Variants in DNMT3B observed in about 807,000 individuals in gnomAD.
DNMT3B encodes DNA (cytosine-5)-methyltransferase 3B.
DNMT3B carries 37 observed loss-of-function variants against 120.2 expected under a neutral mutation model. The ratio of observed to expected loss-of-function variants is 0.31; its 90% CI spans 0.24 to 0.40. The LOEUF (loss-of-function observed/expected upper bound fraction) is 0.40. Ranked by LOEUF, DNMT3B falls within the 10% of genes least tolerant of loss-of-function variation. The pLI is 1.00. For missense variants in DNMT3B, 878 were observed against 1,137.3 expected, an observed-to-expected ratio of 0.77 and a Z score of 3.28; for synonymous variants, 412 against 442.8, an observed-to-expected ratio of 0.93 and a Z score of 0.87.
intron 1 of DNMT3B, among the ~76,000 whole-genome samples, chr20:32,765,376 A>G (rs1987251790): frequency 1.4e-5 from 2 of 146,422 alleles, no homozygotes; most frequent in African/African-American, 5.1e-5. Flanking sequence ...TGGAAGATAC[A>G]GGTACTATTA....
intron 1 of DNMT3B, among the ~76,000 whole-genome samples, chr20:32,773,612 C>CTTT (rs11356349): frequency 1.4e-5 from 2 of 138,828 alleles, no homozygotes; most frequent in Non-Finnish European, 1.6e-5. Flanking sequence ...AAATATTGGG[C>CTTT]TTTTTTTTTT....
chr20:32,782,361 C>T (rs900724403), intron 3 of DNMT3B, among the ~76,000 whole-genome samples: 8 of 152,156 alleles, frequency 5.3e-5, no homozygotes, highest in African/African-American at 1.9e-4. Flanking sequence ...TAGGTTTCTA[C>T]TGAAAACTAT....
chr20:32,787,504 GA>G (rs1979470131), intron 6 of DNMT3B, 53 bp downstream of exon 6: 3 of 1,575,292 alleles, frequency 1.9e-6, no homozygotes, highest in East Asian at 4.6e-5. Flanking sequence ...TGAACACGGG[GA>G]AAAACCAGTT....
intron 13 of DNMT3B, 127 bp downstream of exon 13, chr20:32,796,996 T>C (rs1311157046): frequency 1.9e-6 from 3 of 1,612,318 alleles, no homozygotes; most frequent in Non-Finnish European, 2.5e-6. Context: ...GCACTCTGCC[T>C]CTGGGGCAGG....
intron 10 of DNMT3B, among the ~76,000 whole-genome samples, chr20:32,795,077 G>A (rs2145999518): frequency 6.6e-6 from 1 of 152,300 alleles, no homozygotes; most frequent in South Asian, 2.1e-4. Flanking sequence ...CACCCCCTAT[G>A]CCTACTGCCC....
chr20:32,795,303 C>T (rs1980468128), intron 10 of DNMT3B, 106 bp from the exon 11 acceptor site: 19 of 1,567,612 alleles, frequency 1.2e-5, no homozygotes, highest in Admixed American at 1.7e-5. Context: ...CCCTGTCATG[C>T]CCCAATTGCA....
rs757256459 is a variant in DNMT3B at position 32,795,704 on chromosome 20, TCTCC to T, written c.1297+16_1297+19del. On this transcript the variant is annotated intron_variant, in intron 12 of 22. Coordinates refer to ENST00000328111, the MANE Select transcript of DNMT3B (RefSeq NM_006892.4). ...AAGAGCAGCCTGGAAGGTAACGTTCTCTCCCTCCCAGTCATCCCCCTCACACCCT... is the reference window on the plus strand; with the variant it reads ...AAGAGCAGCCTGGAAGGTAACGTTCTCTCCCAGTCATCCCCCTCACACCCT... 2 of 1,614,040 alleles carry T rather than the reference TCTCC, an allele frequency of 1.2e-6. No individual in the cohort carries two copies. The highest frequency in any genetic ancestry group is 1.7e-6 in the Non-Finnish European group (2 of 1,180,018).
chr20:32,762,820 G>A (rs997734724), intron 1 of DNMT3B, 121 bp downstream of exon 1: 1 of 152,514 alleles, frequency 6.6e-6, no homozygotes, highest in Non-Finnish European at 1.5e-5. Context: ...ACCTCCCGAG[G>A]AGGGGCTCTC....
At chr20:32,804,166 A>G (rs1981694187) in intron 20 of DNMT3B, among the ~76,000 whole-genome samples, 1 of 152,118 alleles carries the variant, frequency 6.6e-6, no homozygotes, top group African/African-American at 2.4e-5. Flanking sequence ...AGGTGGAAAG[A>G]GCAGTGAGAC....
intron 9 of DNMT3B, 71 bp from the exon 10 acceptor site, chr20:32,793,465 C>A: frequency 6.4e-7 from 1 of 1,552,582 alleles, no homozygotes; most frequent in South Asian, 1.1e-5. Context: ...AAGACCTTGT[C>A]TCAAAAAAGA....
intron 8 of DNMT3B, among the ~76,000 whole-genome samples, chr20:32,792,065 G>A (rs946362776): frequency 6.6e-6 from 1 of 152,206 alleles, no homozygotes; most frequent in African/African-American, 2.4e-5. Context: ...TTCTATCTGT[G>A]GGCCGTCTTA....
chr20:32,799,315 T>C lies in DNMT3B; in HGVS notation c.1746T>C (p.Asp582=), dbSNP rs1981035934. Residue 582 remains aspartate, a synonymous_variant, in exon 16 of 23, where the codon GAT becomes GAC. Coordinates refer to ENST00000328111, the MANE Select transcript of DNMT3B (RefSeq NM_006892.4). ...RRPIRVLSLF[D]GIATGYLVLK... The stretch of plus-strand genomic sequence containing the variant: ...CCATTCGAGTCCTGTCATTGTTTGA[T>C]GGCATCGCGACAGGTGAGTTCGGGG... 5 of 1,613,042 alleles carry C rather than the reference T, an allele frequency of 3.1e-6. No individual in the cohort carries two copies. Among genetic ancestry groups the C allele is most frequent in the Non-Finnish European group, 4.2e-6 (5 of 1,179,614 alleles).
At chr20:32,772,990 G>A (rs1467314276) in intron 1 of DNMT3B, among the ~76,000 whole-genome samples, 1 of 149,072 alleles carries the variant, frequency 6.7e-6, no homozygotes, top group East Asian at 2.0e-4. Flanking sequence ...GGCTAATTTT[G>A]TATTTTTAGT....
intron 11 of DNMT3B, 46 bp downstream of exon 11, chr20:32,795,580 G>A (rs1225843942): frequency 1.2e-6 from 2 of 1,614,034 alleles, no homozygotes; most frequent in African/African-American, 1.3e-5. Flanking sequence ...GGAGGAGGAC[G>A]CTGCAGATCA....
At chr20:32,796,010 C>T (rs1338843422) in intron 12 of DNMT3B, among the ~76,000 whole-genome samples, 1 of 152,228 alleles carries the variant, frequency 6.6e-6, no homozygotes, top group Non-Finnish European at 1.5e-5. Context: ...CTGCAACTAA[C>T]AAGCTTTTAG....
Position 32,795,372 on chromosome 20 carries a change from T to C in DNMT3B, c.1127-37T>C, listed in dbSNP as rs118149181. 1,012 of 1,613,426 alleles carry C rather than the reference T, an allele frequency of 6.3e-4. 1 individual carries two copies. Among genetic ancestry groups the C allele is most frequent in the Non-Finnish European group, 8.3e-4 (985 of 1,179,764 alleles). ...GGCCCGCATTCTCTCTGGACCCTCCTACCAAGCCACGGCTGCAGTCTAATT... is the reference window on the plus strand; with the variant it reads ...GGCCCGCATTCTCTCTGGACCCTCCCACCAAGCCACGGCTGCAGTCTAATT... On this transcript the variant is annotated intron_variant, in intron 10 of 22. Coordinates refer to ENST00000328111, the MANE Select transcript of DNMT3B (RefSeq NM_006892.4).
At chr20:32,763,295 G>A (rs1158064079) in intron 1 of DNMT3B, among the ~76,000 whole-genome samples, 3 of 152,206 alleles carry the variant, frequency 2.0e-5, no homozygotes, top group East Asian at 3.9e-4. Context: ...CGCGCGGGCT[G>A]GGGTGTGCGC....
Position 32,798,621 on chromosome 20 carries a change from C to T in DNMT3B, c.1652C>T (p.Thr551Ile). Residue 551 changes from threonine (T) to isoleucine (I), a missense_variant, in exon 15 of 23, where the codon ACC (threonine) becomes ATC (isoleucine). Coordinates refer to ENST00000328111, the MANE Select transcript of DNMT3B (RefSeq NM_006892.4). ...DWNVRLQAFF[T>I]SDTGLEYEAP... is the part of the protein sequence containing the mutation. ...AACGTGCGCCTGCAGGCCTTCTTCA[C>T]CAGTGACACGGGGCTTGAATATGTA... The T allele has an allele frequency of 6.2e-7, 1 of 1,614,090 alleles. No individual in the cohort carries two copies. The highest frequency in any genetic ancestry group is 8.5e-7 in the Non-Finnish European group (1 of 1,180,046).
chr20:32,796,800 G>A lies in DNMT3B; in HGVS notation c.1308G>A (p.Leu436=). 1 of 1,614,212 alleles carries A rather than the reference G, an allele frequency of 6.2e-7. No individual in the cohort carries two copies. Among genetic ancestry groups the A allele is most frequent in the South Asian group, 1.1e-5 (1 of 91,088 alleles). Reference sequence around the variant, plus strand: ...CTGTTTTTCTTACAGATGGCTGTTTGTCTTGTGGCAGGAAAAACCCCGTGT... The same window carrying A: ...CTGTTTTTCTTACAGATGGCTGTTTATCTTGTGGCAGGAAAAACCCCGTGT... ...NNKSSLEDGC[L]SCGRKNPVSF... The change falls in exon 13 of 23, where the codon TTG becomes TTA. Residue 436 remains leucine, a synonymous_variant. Coordinates refer to ENST00000328111, the MANE Select transcript of DNMT3B (RefSeq NM_006892.4).
Sources: gnomAD v4.1 joint callset for allele counts (sites outside exome capture counted in the v4.1 genomes callset) on GRCh38, gnomAD v4.1.1 for gene constraint, MANE v1.5 for transcripts, NCBI Gene and HGNC (gene_info 2026-07-23, HGNC 2026-07-21) for gene names.